Variants in RBFOX1 observed in about 807,000 individuals in gnomAD.
RBFOX1 encodes RNA binding protein fox-1 homolog 1.
Under a neutral mutation model 57.7 loss-of-function variants are expected in RBFOX1, and 8 were observed. The observed-to-expected ratio is 0.14, with a 90% CI of 0.08 to 0.25. The LOEUF (loss-of-function observed/expected upper bound fraction) is 0.25, where lower values mean the gene tolerates loss of function less well. RBFOX1 is among the 10% of genes least tolerant of loss of function. The pLI is 1.00. For missense variants in RBFOX1, 611 were observed against 548.5 expected (o/e 1.11, Z -1.14); for synonymous variants, 326 against 222.4 (o/e 1.47, Z -4.15).
intron 4 of RBFOX1, among the ~76,000 whole-genome samples, chr16:7,156,168 C>T (rs1418546248): frequency 2.0e-5 from 3 of 151,726 alleles, no homozygotes; most frequent in African/African-American, 7.3e-5. Flanking sequence ...CTGTGCCTGG[C>T]CGATCCCTCA....
At chr16:7,175,198 A>G (rs1026704011) in intron 4 of RBFOX1, among the ~76,000 whole-genome samples, 2 of 150,724 alleles carry the variant, frequency 1.3e-5, no homozygotes, top group South Asian at 2.1e-4. Context: ...TCTTCCTCCT[A>G]TCCACCCCAG....
chr16:6,778,556 T>A (rs1401644496), intron 3 of RBFOX1, among the ~76,000 whole-genome samples: 1 of 152,136 alleles, frequency 6.6e-6, no homozygotes, highest in Non-Finnish European at 1.5e-5. Flanking sequence ...TTTTCCCAGT[T>A]ATCTTACATA....
intron 1 of RBFOX1, among the ~76,000 whole-genome samples, chr16:6,241,322 T>C (rs773756835): frequency 4.3e-4 from 65 of 152,210 alleles, no homozygotes; most frequent in Admixed American, 7.8e-4. Flanking sequence ...GCTGTCCTCA[T>C]GGGTGGCAGA....
At chr16:6,900,551 C>T (rs7196168) in intron 3 of RBFOX1, among the ~76,000 whole-genome samples, 81,153 of 152,070 alleles carry the variant, frequency 0.53, 23,777 homozygotes, top group African/African-American at 0.79. Flanking sequence ...TGCTTCTCCC[C>T]TTACTCATTA....
intron 4 of RBFOX1, among the ~76,000 whole-genome samples, chr16:7,221,344 A>ATTAT (rs540158760): frequency 0.43 from 49,348 of 114,498 alleles, 8,378 homozygotes; most frequent in East Asian, 0.54. Flanking sequence ...TTTTTATTTG[A>ATTAT]TTATTTATTT....
At chr16:6,479,895 CA>C (rs1248191403) in intron 2 of RBFOX1, among the ~76,000 whole-genome samples, 3 of 151,514 alleles carry the variant, frequency 2.0e-5, no homozygotes, top group South Asian at 4.2e-4. Context: ...ACTAAAAATA[CA>C]AAAAATTAGT....
rs375508157 is a variant in RBFOX1 at position 5,908,513 on chromosome 16, C to T, written c.351+41178C>T. On this transcript the variant is annotated intron_variant, in intron 4 of 19. Transcript: ENST00000641259. ...GATTACAGGTGCCTGCCACCATGCC[C>T]GGCTATTTTTTGTATTTTTAGTAGA... Among the ~76,000 whole-genome samples, 12 of 151,826 alleles carry T rather than the reference C, an allele frequency of 7.9e-5. No individual in the cohort carries two copies. The East Asian group carries it at 1.6e-3, about 20-fold the overall frequency.
intron 4 of RBFOX1, among the ~76,000 whole-genome samples, chr16:7,139,805 G>C (rs967066713): frequency 1.3e-5 from 2 of 152,054 alleles, no homozygotes; most frequent in Admixed American, 1.3e-4. Context: ...GGCAGTTTTA[G>C]TTGCTGTGGA....
intron 3 of RBFOX1, among the ~76,000 whole-genome samples, chr16:6,835,972 A>G (rs943896431): frequency 2.0e-5 from 3 of 152,096 alleles, no homozygotes; most frequent in African/African-American, 7.2e-5. Flanking sequence ...ATCTGCCAAA[A>G]GTGTCATCTG....
At chr16:6,939,020 C>T (rs144579794) in intron 3 of RBFOX1, among the ~76,000 whole-genome samples, 6 of 152,262 alleles carry the variant, frequency 3.9e-5, no homozygotes, top group African/African-American at 1.2e-4. Context: ...CCTTAGAGAT[C>T]TGCCTTGACA....
intron 1 of RBFOX1, among the ~76,000 whole-genome samples, chr16:5,455,021 T>TTCTTTCTTTCTTTCTTTCTC (rs1317448150): frequency 5.3e-5 from 6 of 113,180 alleles, no homozygotes; most frequent in African/African-American, 1.4e-4. Context: ...CTTTCTTTCT[T>TTCTTTCTTTCTTTCTTTCTC]TCTCTCTCTC....
rs529397243 is a variant in RBFOX1, at chr16:6,677,772, A to G, written c.-16+23122A>G. On this transcript the variant is annotated intron_variant, in intron 3 of 15. Coordinates refer to ENST00000550418, the MANE Select transcript of RBFOX1 (RefSeq NM_018723.4). ...GATTTATCTTCTGACATCACTATAC[A>G]AGTTATTAATATAGAGGAAGACTGA... Among the ~76,000 whole-genome samples the G allele has an allele frequency of 3.2e-4, 49 of 152,302 alleles. 1 individual carries two copies. The highest frequency in any genetic ancestry group is 1.1e-3 in the African/African-American group (46 of 41,562).
At chr16:5,376,384 G>A (rs113918958) in intron 1 of RBFOX1, among the ~76,000 whole-genome samples, 334 of 152,134 alleles carry the variant, frequency 2.2e-3, no homozygotes, top group African/African-American at 7.7e-3. Flanking sequence ...GGGATCCCAA[G>A]GTTGGGATTC....
At chr16:6,313,323 G>A (rs28593019) in intron 1 of RBFOX1, among the ~76,000 whole-genome samples, 48,391 of 152,090 alleles carry the variant, frequency 0.32, 8,153 homozygotes, top group Middle Eastern at 0.41. Flanking sequence ...AAGTAACACA[G>A]TCACATTTAC....
At chr16:5,660,124 G>C (rs568118373) in intron 3 of RBFOX1, among the ~76,000 whole-genome samples, 30 of 152,316 alleles carry the variant, frequency 2.0e-4, no homozygotes, top group African/African-American at 6.7e-4. Context: ...CAAATGCCTT[G>C]TCTGCATTTG....
At chr16:7,205,528 AG>A (rs1363348498) in intron 4 of RBFOX1, among the ~76,000 whole-genome samples, 2 of 150,346 alleles carry the variant, frequency 1.3e-5, no homozygotes, top group Non-Finnish European at 3.0e-5. Flanking sequence ...AAAAAAAAAA[AG>A]AAAAAGAAAA....
chr16:5,798,913 A>G (rs11860133), intron 3 of RBFOX1, among the ~76,000 whole-genome samples: 8,915 of 151,772 alleles, frequency 0.059, 830 homozygotes, highest in African/African-American at 0.2. Context: ...GACAGGCCCA[A>G]TTCAGCTCCA....
rs2096860589 is a variant in RBFOX1 at position 6,159,308 on chromosome 16, C to A, written c.-127+139316C>A. 3.3e-5 allele frequency among the ~76,000 whole-genome samples: 5 copies of A among 152,040 alleles called. No individual in the cohort carries two copies. In the South Asian group the frequency reaches 1.0e-3, roughly 32 times the overall value. On this transcript the variant is annotated intron_variant, in intron 1 of 15. Coordinates refer to ENST00000550418, the MANE Select transcript of RBFOX1 (RefSeq NM_018723.4). ...GCCAAGTTGGTCTTGAACTCCTGAC[C>A]TCAGGTGATCTGCCCGCCTCGGCCT...
rs186852889 is a variant in RBFOX1 at position 6,590,442 on chromosome 16, C to T, written c.-63-64161C>T. On this transcript the variant is annotated intron_variant, in intron 2 of 15. Coordinates refer to ENST00000550418, the MANE Select transcript of RBFOX1 (RefSeq NM_018723.4). Reference sequence around the variant, plus strand: ...TTGTGTGTGTAGGTGGTATAGAATTCCATGCTTTTACACAGTAGCAGGCCT... The same window carrying T: ...TTGTGTGTGTAGGTGGTATAGAATTTCATGCTTTTACACAGTAGCAGGCCT... 1.7e-4 allele frequency among the ~76,000 whole-genome samples: 26 copies of T among 152,220 alleles called. No individual in the cohort carries two copies. In the East Asian group the frequency reaches 2.9e-3, roughly 17 times the overall value.
Sources: allele counts gnomAD v4.1 joint callset (sites outside exome capture counted in the v4.1 genomes callset), GRCh38; gene constraint gnomAD v4.1.1; transcripts MANE v1.5; gene names NCBI Gene and HGNC (gene_info 2026-07-23, HGNC 2026-07-21).